Variants in ANTXR1 observed in about 807,000 individuals in gnomAD.
ANTXR1 encodes the protein anthrax toxin receptor 1.
In ANTXR1, 19 loss-of-function variants were observed where a neutral mutation model predicts 78.1. That is an observed-to-expected ratio of 0.24 (90% CI 0.17 to 0.36). The LOEUF (loss-of-function observed/expected upper bound fraction) is 0.36. Among genes scored for constraint, ANTXR1 ranks in the 10% least tolerant of loss-of-function variants. The pLI, the probability that ANTXR1 is intolerant of heterozygous loss-of-function variation, is 1.00. For missense variants in ANTXR1, 518 were observed against 718.6 expected (o/e 0.72, Z 3.19); for synonymous variants, 273 against 260.5 (o/e 1.05, Z -0.46).
chr2:69,160,557 A>G (rs1673654478), intron 13 of ANTXR1, among the ~76,000 whole-genome samples: 3 of 152,066 alleles, frequency 2.0e-5, no homozygotes, highest in Admixed American at 2.0e-4. Context: ...GCATACTGAA[A>G]CCATCTGAGG....
Position 69,013,634 on chromosome 2 carries a change from G to C in ANTXR1, c.135G>C (p.Leu45=). 2 of 1,553,656 alleles carry C rather than the reference G, an allele frequency of 1.3e-6. No homozygotes were observed. The highest frequency in any genetic ancestry group is 8.7e-7 in the Non-Finnish European group (1 of 1,147,712). The stretch of plus-strand genomic sequence containing the variant: ...CAGCCTGCTACGGCGGATTTGACCT[G>C]TACTTCATTTTGGACAAGTAAGTGC... ...GGPACYGGFD[L]YFILDKSGSV... The change falls in exon 1 of 18, where the codon CTG becomes CTC. Residue 45 remains leucine (L), a synonymous_variant. Coordinates refer to ENST00000303714, the MANE Select transcript of ANTXR1 (RefSeq NM_032208.3). This position sits in a 1 kb window ranked among gnomAD's most constrained non-coding sequence, Gnocchi z 5.0.
At chr2:69,044,614 C>A in intron 2 of ANTXR1, 128 bp from the exon 3 acceptor site, 1 of 945,902 alleles carries the variant, frequency 1.1e-6, no homozygotes, top group Non-Finnish European at 1.7e-6. Context: ...GCCTAGGAGG[C>A]CCCCTGTGGG....
intron 3 of ANTXR1, among the ~76,000 whole-genome samples, chr2:69,054,315 C>T (rs1321832054): frequency 4.6e-5 from 7 of 152,114 alleles, no homozygotes; most frequent in African/African-American, 7.2e-5. Context: ...TTTACTATTA[C>T]GTACAGTTTT....
chr2:69,122,614 C>T (rs569813045), intron 10 of ANTXR1, among the ~76,000 whole-genome samples: 10 of 152,134 alleles, frequency 6.6e-5, no homozygotes, highest in African/African-American at 2.2e-4. Context: ...TATTATTATA[C>T]GTTAAGTTCT....
At chr2:69,047,087 A>C (rs957079224) in intron 3 of ANTXR1, among the ~76,000 whole-genome samples, 1 of 152,198 alleles carries the variant, frequency 6.6e-6, no homozygotes, top group Non-Finnish European at 1.5e-5. Flanking sequence ...AGGATGCAAA[A>C]TCCACATATA....
At chr2:69,122,984 C>T in intron 10 of ANTXR1, 33 bp from the exon 11 acceptor site, 2 of 1,604,252 alleles carry the variant, frequency 1.2e-6, no homozygotes, top group Non-Finnish European at 8.5e-7. Context: ...AACTCACCTC[C>T]CTCTTCTTAA....
At chr2:69,222,860 A>C (rs149914585) in intron 17 of ANTXR1, among the ~76,000 whole-genome samples, 134 of 152,366 alleles carry the variant, frequency 8.8e-4, no homozygotes, top group African/African-American at 3.2e-3. Flanking sequence ...ACCTTCTGTG[A>C]GGTTCCATTC....
At chr2:69,068,436 A>G (rs1432469149) in intron 3 of ANTXR1, among the ~76,000 whole-genome samples, 1 of 152,212 alleles carries the variant, frequency 6.6e-6, no homozygotes, top group Non-Finnish European at 1.5e-5. Flanking sequence ...TTAACTTGGG[A>G]CTGAAGGCTG....
At position 69,071,796 on chromosome 2, in the gene ANTXR1, A is replaced by G. The variant is rs754538806; in HGVS notation, c.412+9A>G. On this transcript the variant is annotated intron_variant, in intron 5 of 17. Coordinates refer to ENST00000303714, the MANE Select transcript of ANTXR1 (RefSeq NM_032208.3). ...TTATGAAAACAGACAAGGTAAGACT[A>G]TAGTATGAACTACCATTATGAATTA... 2.5e-6 allele frequency: 4 copies of G among 1,613,230 alleles called. No individual in the cohort carries two copies. Among genetic ancestry groups the G allele is most frequent in the Admixed American group, 3.3e-5 (2 of 60,022 alleles).
At chr2:69,224,885 A>G (rs1302656974) in intron 17 of ANTXR1, among the ~76,000 whole-genome samples, 2 of 152,170 alleles carry the variant, frequency 1.3e-5, no homozygotes, top group Non-Finnish European at 1.5e-5. Context: ...CTTCTTGGAG[A>G]TTAAACAAGT....
chr2:69,093,423 C>G (rs1262834701), intron 9 of ANTXR1, among the ~76,000 whole-genome samples: 1 of 152,084 alleles, frequency 6.6e-6, no homozygotes, highest in African/African-American at 2.4e-5. Flanking sequence ...TAATTTTAAC[C>G]TCAAAAAGTA....
At chr2:69,219,821 T>G (rs1029761060) in intron 17 of ANTXR1, among the ~76,000 whole-genome samples, 1 of 152,170 alleles carries the variant, frequency 6.6e-6, no homozygotes, top group Non-Finnish European at 1.5e-5. Flanking sequence ...GTCCGAAACC[T>G]CTTGACTGAA....
intron 9 of ANTXR1, among the ~76,000 whole-genome samples, chr2:69,100,980 G>C (rs193140767): frequency 1.3e-5 from 2 of 152,226 alleles, no homozygotes; most frequent in Admixed American, 1.3e-4. Context: ...CCATAGGCCC[G>C]TCACCTTAGC....
intron 11 of ANTXR1, 81 bp from the exon 12 acceptor site, chr2:69,124,484 A>C: frequency 8.2e-7 from 1 of 1,218,280 alleles, no homozygotes; most frequent in Non-Finnish European, 1.2e-6. Flanking sequence ...CAGAGCCCAA[A>C]GGAGTCCTGT....
Position 69,166,634 on chromosome 2 carries a change from A to T in ANTXR1, c.1048-3614A>T, listed in dbSNP as rs561950397. Among the ~76,000 whole-genome samples the T allele has an allele frequency of 9.0e-4, 137 of 152,300 alleles. 3 individuals are homozygous for T. In the South Asian group the frequency reaches 0.019, roughly 21 times the overall value. On this transcript the variant is annotated intron_variant, in intron 13 of 17. Coordinates refer to ENST00000303714, the MANE Select transcript of ANTXR1 (RefSeq NM_032208.3). ...TACTACCATCCAGTTCTTCCATGTTATGCTTATGTTTATTATTTTCCATTA... is the reference window on the plus strand; with the variant it reads ...TACTACCATCCAGTTCTTCCATGTTTTGCTTATGTTTATTATTTTCCATTA...
At chr2:69,048,015 C>T (rs1042602690) in intron 3 of ANTXR1, among the ~76,000 whole-genome samples, 2 of 152,134 alleles carry the variant, frequency 1.3e-5, no homozygotes, top group African/African-American at 2.4e-5. Context: ...ACAAAGTTTG[C>T]AGGTCACTTC....
chr2:69,047,157 A>G (rs1404404236), intron 3 of ANTXR1, among the ~76,000 whole-genome samples: 1 of 152,162 alleles, frequency 6.6e-6, no homozygotes. Context: ...ACTTGAGTGC[A>G]TGGATTTGGT....
intron 10 of ANTXR1, among the ~76,000 whole-genome samples, chr2:69,122,743 C>T (rs980072081): frequency 6.6e-6 from 1 of 152,236 alleles, no homozygotes; most frequent in South Asian, 2.1e-4. Flanking sequence ...ATCCCTCCCC[C>T]CTCCTCCCAC....
intron 12 of ANTXR1, among the ~76,000 whole-genome samples, chr2:69,131,066 T>C (rs1672727488): frequency 6.6e-6 from 1 of 152,092 alleles, no homozygotes; most frequent in Non-Finnish European, 1.5e-5. Context: ...TGATACATTA[T>C]TACCACATGC....
Sources: allele counts gnomAD v4.1 joint callset (sites outside exome capture counted in the v4.1 genomes callset), GRCh38; gene constraint gnomAD v4.1.1; non-coding constraint Gnocchi (gnomAD v3.1); transcripts MANE v1.5; gene names NCBI Gene and HGNC (gene_info 2026-07-23, HGNC 2026-07-21).